Variants in SGCA observed in about 807,000 individuals in gnomAD.
SGCA encodes alpha-sarcoglycan.
SGCA carries 34 observed loss-of-function variants against 38.1 expected under a neutral mutation model. The ratio of observed to expected loss-of-function variants is 0.89; its 90% CI spans 0.68 to 1.19. The LOEUF (loss-of-function observed/expected upper bound fraction) is 1.19. Ranked by LOEUF, SGCA falls within the 50% of genes most tolerant of loss-of-function variation. The pLI is 0.00. For missense variants in SGCA, 476 were observed against 524.9 expected, an observed-to-expected ratio of 0.91 and a Z score of 0.91; for synonymous variants, 209 against 214.6, an observed-to-expected ratio of 0.97 and a Z score of 0.23.
chr17:50,171,028 C>T (rs1488266867), intron 8 of SGCA, among the ~76,000 whole-genome samples: 1 of 152,228 alleles, frequency 6.6e-6, no homozygotes, highest in Non-Finnish European at 1.5e-5. Context: ...CGTGCCACGG[C>T]ACTCCAGCCT....
chr17:50,167,838 A>G lies in SGCA; in HGVS notation c.312+102A>G, dbSNP rs1905050392. 5.8e-6 allele frequency: 9 copies of G among 1,543,706 alleles called. No homozygotes were observed. The highest frequency in any genetic ancestry group is 6.3e-6 in the Non-Finnish European group (7 of 1,116,328). ...TGGGTGCTCATTCACAGTCATTTAC[A>G]TATAATTTACATACCTCTAATTTGG... On this transcript the variant is annotated intron_variant, in intron 3 of 9. Transcript: ENST00000262018. This position sits in a 1 kb window ranked among gnomAD's most constrained non-coding sequence, Gnocchi z 4.5.
intron 5 of SGCA, 24 bp from the exon 6 acceptor site, chr17:50,169,068 A>G (rs766219704): frequency 1.2e-6 from 2 of 1,612,902 alleles, no homozygotes; most frequent in Non-Finnish European, 1.7e-6. Context: ...CACTCTGCTG[A>G]CAGTGACTTC....
At chr17:50,166,713 TCACA>T (rs1167571369) in intron 1 of SGCA, among the ~76,000 whole-genome samples, 1 of 52,560 alleles carries the variant, frequency 1.9e-5, no homozygotes, top group South Asian at 7.9e-4. Context: ...CACGGCACCC[TCACA>T]CACACACCCT....
chr17:50,170,480 G>A lies in SGCA; in HGVS notation c.956+129G>A, dbSNP rs1234320022. The A allele has an allele frequency of 5.9e-6, 8 of 1,360,978 alleles. No homozygotes were observed. The East Asian group carries it at 1.4e-4, about 24-fold the overall frequency. 84.3% of individuals were successfully genotyped at this position (1,360,978 alleles called of 1,614,324 possible). A position where few individuals can be genotyped will look rare whatever the true frequency, so the allele number is the denominator to read the frequency against. On this transcript the variant is annotated intron_variant, in intron 7 of 9. Coordinates refer to ENST00000262018, the MANE Select transcript of SGCA (RefSeq NM_000023.4). ...GGTTCTCAGGCACAAAAGGAGTGTGGGGCCCCTTTCTAGGCAACTTGGGGC... is the reference window on the plus strand; with the variant it reads ...GGTTCTCAGGCACAAAAGGAGTGTGAGGCCCCTTTCTAGGCAACTTGGGGC...
chr17:50,171,013 G>A (rs760812023), intron 8 of SGCA, among the ~76,000 whole-genome samples: 35 of 152,222 alleles, frequency 2.3e-4, no homozygotes, highest in Non-Finnish European at 3.7e-4. Flanking sequence ...GCAGTGAGCC[G>A]TAATCGTGCC....
Position 50,168,022 on chromosome 17 carries a change from A to G in SGCA, c.385+3A>G. ...GCTGGAGATTGGGGACCCAGAAGGTACCTCTAGCTGTGCCCCATCCCTTCC... is the reference window on the plus strand; with the variant it reads ...GCTGGAGATTGGGGACCCAGAAGGTGCCTCTAGCTGTGCCCCATCCCTTCC... On this transcript the variant is annotated splice_donor_region_variant and intron_variant, in intron 4 of 9. Transcript: ENST00000262018. 6.2e-7 allele frequency: 1 copy of G among 1,612,706 alleles called. No individual in the cohort carries two copies. Among genetic ancestry groups the G allele is most frequent in the Non-Finnish European group, 8.5e-7 (1 of 1,178,794 alleles).
chr17:50,170,456 G>C, intron 7 of SGCA, 105 bp downstream of exon 7: 1 of 1,378,530 alleles, frequency 7.3e-7, no homozygotes. Flanking sequence ...TGGGAATGGG[G>C]TTCTCAGGCA....
At chr17:50,169,989 G>C (rs1007848450) in intron 6 of SGCA, 154 bp from the exon 7 acceptor site, 40 of 695,230 alleles carry the variant, frequency 5.8e-5, no homozygotes, top group Admixed American at 3.7e-4. Context: ...CAAACCAGGA[G>C]GTCAGACCCT....
intron 4 of SGCA, 93 bp from the exon 5 acceptor site, chr17:50,168,281 G>T (rs867318689): frequency 2.7e-6 from 3 of 1,098,914 alleles, no homozygotes; most frequent in African/African-American, 3.1e-5. Context: ...GGCCTGAAGG[G>T]GTGTGCAGGG....
At chr17:50,166,317 G>A (rs1904799563) in intron 1 of SGCA, among the ~76,000 whole-genome samples, 1 of 152,110 alleles carries the variant, frequency 6.6e-6, no homozygotes, top group African/African-American at 2.4e-5. Context: ...TAGGGCCCGG[G>A]TGGGTCTGAC....
intron 8 of SGCA, among the ~76,000 whole-genome samples, chr17:50,170,896 CAA>C (rs892800300): frequency 6.6e-6 from 1 of 151,406 alleles, no homozygotes; most frequent in Non-Finnish European, 1.5e-5. Flanking sequence ...CCCATCTCAA[CAA>C]AAAAAAAATT....
At position 50,170,667 on chromosome 17, in the gene SGCA, G is replaced by A; in HGVS notation, c.983+1G>A. 6.4e-7 allele frequency: 1 copy of A among 1,559,732 alleles called. No individual in the cohort carries two copies. Among genetic ancestry groups the A allele is most frequent in the Non-Finnish European group, 8.7e-7 (1 of 1,150,650 alleles). Reference sequence around the variant, plus strand: ...TGAAGAGAGACCTGGCTACCTCCGAGTGAGTAAAGGAAAGCTGGGGGTGGG... The same window carrying A: ...TGAAGAGAGACCTGGCTACCTCCGAATGAGTAAAGGAAAGCTGGGGGTGGG... On this transcript the variant is annotated splice_donor_variant, in intron 8 of 9. Coordinates refer to ENST00000262018, the MANE Select transcript of SGCA (RefSeq NM_000023.4). LOFTEE classifies it high-confidence loss of function.
chr17:50,167,882 C>G lies in SGCA; in HGVS notation c.313-65C>G. 2 of 1,554,322 alleles carry G rather than the reference C, an allele frequency of 1.3e-6. No individual in the cohort carries two copies. Among genetic ancestry groups the G allele is most frequent in the Non-Finnish European group, 1.8e-6 (2 of 1,125,720 alleles). ...AATTTGGTATCTGAGTCCTCTCCTG[C>G]CAGGCCCCCGCTGTGCCACGTTTCT... On this transcript the variant is annotated intron_variant, in intron 3 of 9. Transcript: ENST00000262018. The surrounding 1 kb of genome is among the most constrained non-coding windows in gnomAD (Gnocchi z 4.5).
chr17:50,168,621 G>T, intron 5 of SGCA, 49 bp downstream of exon 5: 3 of 1,506,596 alleles, frequency 2.0e-6, no homozygotes, highest in Non-Finnish European at 2.7e-6. Flanking sequence ...GATGCAGCTT[G>T]TGGCGGGCAT....
In SGCA at chr17:50,169,275, C is replaced by T. The variant is rs73334795; in HGVS notation, c.747+21C>T. 1.6e-4 allele frequency: 262 copies of T among 1,599,572 alleles called. 2 individuals are homozygous for T. In the African/African-American group the frequency reaches 2.8e-3, roughly 17 times the overall value. The stretch of plus-strand genomic sequence containing the variant: ...CCCTGGTGAGGAGGGACCCTGGGTC[C>T]GGGGGTGGGGTGGGGCATGGCCCCC... On this transcript the variant is annotated intron_variant, in intron 6 of 9. Transcript: ENST00000262018.
rs772505692 is a variant in SGCA at position 50,170,228 on chromosome 17, C to T, written c.833C>T (p.Pro278Leu). ...GAGCATGACCCGTTCTTCTGCCCAC[C>T]CACTGAGGCCCCAGACCGTGACTTC... ...ILEHDPFFCP[P>L]TEAPDRDFLV... Residue 278 changes from proline (P) to leucine (L), a missense_variant, in exon 7 of 10, where the codon CCC (proline) becomes CTC (leucine). Coordinates refer to ENST00000262018, the MANE Select transcript of SGCA (RefSeq NM_000023.4). 6.2e-7 allele frequency: 1 copy of T among 1,614,076 alleles called. No individual in the cohort carries two copies. The highest frequency in any genetic ancestry group is 1.3e-5 in the African/African-American group (1 of 74,928).
intron 8 of SGCA, among the ~76,000 whole-genome samples, chr17:50,173,557 G>A (rs1905655325): frequency 6.6e-6 from 1 of 152,216 alleles, no homozygotes; most frequent in African/African-American, 2.4e-5. Context: ...TTCCACCTGT[G>A]TGTTGCCAGA....
intron 1 of SGCA, among the ~76,000 whole-genome samples, chr17:50,166,428 G>A (rs1354833641): frequency 2.0e-5 from 3 of 152,026 alleles, no homozygotes; most frequent in Non-Finnish European, 2.9e-5. Flanking sequence ...TGGAGCTGGC[G>A]GCCAGGTCCT....
chr17:50,175,426 G>C lies in SGCA; in HGVS notation c.1153G>C (p.Asp385His). The C allele has an allele frequency of 6.2e-7, 1 of 1,613,120 alleles. No individual in the cohort carries two copies. Among genetic ancestry groups the C allele is most frequent in the Non-Finnish European group, 8.5e-7 (1 of 1,179,992 alleles). The change falls in exon 9 of 10, where the codon GAC becomes CAC. Residue 385 changes from aspartate (D) to histidine (H), a missense_variant. Physicochemically the swap from Asp to His is moderately conservative, Grantham distance 81 (BLOSUM62 -1). Transcript: ENST00000262018. ...CAGCGCCCAGGTGCCCCTCATTCTGGACCAGCACTGACAGCCTAGCCAGGT... is the reference window on the plus strand; with the variant it reads ...CAGCGCCCAGGTGCCCCTCATTCTGCACCAGCACTGACAGCCTAGCCAGGT... Reference protein sequence around the residue: ...VDSAQVPLILDQH With the variant: ...VDSAQVPLILHQH
Sources: allele counts gnomAD v4.1 joint callset (sites outside exome capture counted in the v4.1 genomes callset), GRCh38; gene constraint gnomAD v4.1.1; non-coding constraint Gnocchi (gnomAD v3.1); transcripts MANE v1.5; gene names NCBI Gene and HGNC (gene_info 2026-07-23, HGNC 2026-07-21).